The following SPIC variants were observed in gnomAD, a reference collection of about 807,000 sequenced individuals.
SPIC encodes the protein Spi-C transcription factor, also known as transcription factor Spi-C.
Under a neutral mutation model 16.7 loss-of-function variants are expected in SPIC, and 9 were observed. That is an observed-to-expected ratio of 0.54 (90% CI 0.33 to 0.94). The LOEUF (loss-of-function observed/expected upper bound fraction) is 0.94. Ranked by LOEUF, SPIC falls within the 40% of genes least tolerant of loss-of-function variation. The probability of loss-of-function intolerance (pLI) is 0.03; values close to 1 mark genes in which losing one functional copy is unlikely to be tolerated. For missense variants in SPIC, 241 were observed against 285.8 expected, an observed-to-expected ratio of 0.84 and a Z score of 1.13; for synonymous variants, 97 against 102.9, an observed-to-expected ratio of 0.94 and a Z score of 0.35.
Position 101,486,349 on chromosome 12 carries a change from A to G in SPIC, c.325A>G (p.Lys109Glu), listed in dbSNP as rs781023526. Residue 109 changes from lysine (K) to glutamate (E), a missense_variant, in exon 6 of 6, where the codon AAG becomes GAG. Physicochemically the swap from Lys to Glu is moderately conservative, Grantham distance 56. Coordinates refer to ENST00000551346, the MANE Select transcript of SPIC (RefSeq NM_152323.3). Reference sequence around the variant, plus strand: ...CTTGTTTCCCTTCATTTTAGGCAGGAAGAAGCTCCGACTGTTTGAATACCT... The same window carrying G: ...CTTGTTTCCCTTCATTTTAGGCAGGGAGAAGCTCCGACTGTTTGAATACCT... ...LLQQKGGKGRKKLRLFEYLHE... is the reference protein window; with the variant it reads ...LLQQKGGKGREKLRLFEYLHE... The G allele has an allele frequency of 6.2e-7, 1 of 1,601,074 alleles. No individual in the cohort carries two copies. Among genetic ancestry groups the G allele is most frequent in the African/African-American group, 1.3e-5 (1 of 74,114 alleles).
intron 1 of SPIC, 136 bp from the exon 2 acceptor site, chr12:101,476,692 A>ATCT: frequency 2.9e-6 from 1 of 344,684 alleles, no homozygotes; most frequent in Non-Finnish European, 5.3e-6. Context: ...AAAAATTTGT[A>ATCT]CTCATCAAAG....
intron 4 of SPIC, among the ~76,000 whole-genome samples, 186 bp downstream of exon 4, chr12:101,479,880 A>C (rs976481980): frequency 4.8e-5 from 7 of 146,906 alleles, no homozygotes; most frequent in Non-Finnish European, 1.0e-4. Flanking sequence ...TCAGTAGCTC[A>C]ATCTCAGCTC....
chr12:101,475,728 T>A (rs1029757948), intron 1 of SPIC, among the ~76,000 whole-genome samples: 1 of 152,216 alleles, frequency 6.6e-6, no homozygotes, highest in Non-Finnish European at 1.5e-5. Flanking sequence ...TGTTCATTTT[T>A]AAATATTTAA....
chr12:101,479,154 AAAAGAAAGAAAGAAAGAAAAAG>A (rs1873058207), intron 3 of SPIC, among the ~76,000 whole-genome samples: 4 of 131,844 alleles, frequency 3.0e-5, no homozygotes, highest in Non-Finnish European at 3.2e-5. Flanking sequence ...AAAAAGAAAG[AAAAGAAAGAAAGAAAGAAAAAG>A]AAAGAAAGAA....
intron 5 of SPIC, among the ~76,000 whole-genome samples, chr12:101,485,669 C>T (rs1396728317): frequency 6.6e-6 from 1 of 152,184 alleles, no homozygotes; most frequent in Non-Finnish European, 1.5e-5. Flanking sequence ...TCCCTTAACT[C>T]ATTTGAATAA....
chr12:101,479,311 GAA>G (rs1205199632), intron 3 of SPIC, among the ~76,000 whole-genome samples: 1 of 102,376 alleles, frequency 9.8e-6, no homozygotes, highest in Non-Finnish European at 2.0e-5. Context: ...AAAGAAAAAA[GAA>G]AGAAAGAAAG....
chr12:101,479,307 AAAAGAAAGAAAGAAAG>A (rs5800473), intron 3 of SPIC, among the ~76,000 whole-genome samples: 26 of 88,214 alleles, frequency 2.9e-4, no homozygotes, highest in Admixed American at 5.7e-4. Context: ...AAAGAAAGAA[AAAAGAAAGAAAGAAAG>A]AAAGAAAGAA....
chr12:101,477,472 C>T (rs1872991768), intron 2 of SPIC, 86 bp from the exon 3 acceptor site: 1 of 1,292,342 alleles, frequency 7.7e-7, no homozygotes, highest in South Asian at 1.3e-5. Context: ...AGAAACCCTC[C>T]TTTAGACTAA....
rs141180068 is a variant in SPIC, at chr12:101,477,768, G to A, written c.97+117G>A. 5.5e-5 allele frequency: 51 copies of A among 922,786 alleles called. No homozygotes were observed. The African/African-American group carries it at 8.0e-4, about 14-fold the overall frequency. 57.2% of individuals were successfully genotyped at this position (922,786 alleles called of 1,614,324 possible). ...GCTGTGGCTCACATCTGTAATCCCA[G>A]CACTTTGGGAGGCCAAGGTGGGCAG... On this transcript the variant is annotated intron_variant, in intron 3 of 5. Coordinates refer to ENST00000551346, the MANE Select transcript of SPIC (RefSeq NM_152323.3).
Position 101,482,868 on chromosome 12 carries a change from A to G in SPIC, c.287A>G (p.Gln96Arg). The G allele has an allele frequency of 6.2e-7, 1 of 1,614,088 alleles. No individual in the cohort carries two copies. Among genetic ancestry groups the G allele is most frequent in the South Asian group, 1.1e-5 (1 of 91,074 alleles). ...AACATAACTGAAAACCAGCTGGTACAACCCACTCTTCTCCAGCAAAAGGGG... is the reference window on the plus strand; with the variant it reads ...AACATAACTGAAAACCAGCTGGTACGACCCACTCTTCTCCAGCAAAAGGGG... ...LQNITENQLV[Q>R]PTLLQQKGGK... The change falls in exon 5 of 6, where the codon CAA (glutamine) becomes CGA (arginine). Residue 96 changes from glutamine (Q) to arginine (R), a missense_variant. Transcript: ENST00000551346.
rs373662066 is a variant in SPIC at position 101,486,664 on chromosome 12, T to G, written c.640T>G (p.Ser214Ala). 3.1e-6 allele frequency: 5 copies of G among 1,613,860 alleles called. No individual in the cohort carries two copies. The African/African-American group carries it at 6.7e-5, about 22-fold the overall frequency. Residue 214 changes from serine to alanine, a missense_variant, in exon 6 of 6, where the codon TCA (serine) becomes GCA (alanine). Transcript: ENST00000551346. The part of the protein sequence containing the change: ...SYFLGKEIFY[S>A]QCVQPDQEYL... ...TTTCCTGGGGAAAGAGATCTTCTAT[T>G]CACAGTGTGTTCAACCTGATCAAGA...
Position 101,481,971 on chromosome 12 carries a change from G to A in SPIC, c.211-821G>A, listed in dbSNP as rs147989420. On this transcript the variant is annotated intron_variant, in intron 4 of 5. Transcript: ENST00000551346. ...CCTGGCGTACAAAAAGGCCAGGCAC[G>A]GTGTCTCATGCCTGTAATCCCAGCA... is the stretch of plus-strand genomic sequence containing the variant. Among the ~76,000 whole-genome samples the A allele has an allele frequency of 8.6e-3, 1,097 of 128,004 alleles. 17 individuals carry two copies. The highest frequency in any genetic ancestry group is 0.028 in the African/African-American group (972 of 34,460). 84.0% of individuals were successfully genotyped at this position (128,004 alleles called of 152,430 possible).
rs1277341485 is a variant in SPIC, at chr12:101,476,879, C to T, written c.-26C>T. The T allele has an allele frequency of 7.1e-7, 1 of 1,402,076 alleles. No homozygotes were observed. 86.9% of individuals were successfully genotyped at this position (1,402,076 alleles called of 1,614,324 possible). ...TCTTCAAGCAACAATTGCTAAGGAA[C>T]AGAATTGTCAATTTATTAATGAAAT... On this transcript the variant is annotated 5_prime_UTR_variant, in exon 2 of 6. Coordinates refer to ENST00000551346, the MANE Select transcript of SPIC (RefSeq NM_152323.3).
chr12:101,482,063 A>G (rs1354311311), intron 4 of SPIC, among the ~76,000 whole-genome samples: 2 of 145,686 alleles, frequency 1.4e-5, no homozygotes, highest in African/African-American at 5.0e-5. Context: ...GCCAACATGG[A>G]GAAACCCCAT....
At chr12:101,485,645 A>G (rs1176653237) in intron 5 of SPIC, among the ~76,000 whole-genome samples, 2 of 152,216 alleles carry the variant, frequency 1.3e-5, no homozygotes, top group African/African-American at 2.4e-5. Flanking sequence ...TGCATTTTAC[A>G]AAGTGCATTT....
intron 3 of SPIC, among the ~76,000 whole-genome samples, chr12:101,478,033 CTTTTTTTTTT>C (rs71091502): frequency 7.3e-6 from 1 of 137,714 alleles, no homozygotes; most frequent in Admixed American, 7.3e-5. Flanking sequence ...TTTCTTTTTT[CTTTTTTTTTT>C]TTTTTTGAGA....
At chr12:101,483,103 T>C (rs868017610) in intron 5 of SPIC, among the ~76,000 whole-genome samples, 3 of 151,164 alleles carry the variant, frequency 2.0e-5, no homozygotes, top group Admixed American at 6.6e-5. Context: ...TTTTTTTTTT[T>C]CTGAGACAGA....
At chr12:101,480,359 C>T (rs909260888) in intron 4 of SPIC, among the ~76,000 whole-genome samples, 1 of 152,154 alleles carries the variant, frequency 6.6e-6, no homozygotes, top group African/African-American at 2.4e-5. Flanking sequence ...CCAAACTGCC[C>T]CTGCACTGGT....
At chr12:101,480,820 CA>C (rs1053447104) in intron 4 of SPIC, among the ~76,000 whole-genome samples, 1 of 151,572 alleles carries the variant, frequency 6.6e-6, no homozygotes, top group Non-Finnish European at 1.5e-5. Flanking sequence ...GACCCTGTCT[CA>C]AAAAAAAATT....
Sources: gnomAD v4.1 joint callset for allele counts (sites outside exome capture counted in the v4.1 genomes callset) on GRCh38, gnomAD v4.1.1 for gene constraint, MANE v1.5 for transcripts, NCBI Gene and HGNC (gene_info 2026-07-23, HGNC 2026-07-21) for gene names.